Variants in ZNF148 observed in about 807,000 individuals in gnomAD.
The protein encoded by ZNF148 is zinc finger protein 148, also known as Beta-Enolase Repressor Factor-1.
A neutral mutation model predicts 67.7 loss-of-function variants in ZNF148; 7 were observed. The ratio of observed to expected loss-of-function variants is 0.10; its 90% CI spans 0.06 to 0.19. ZNF148 has a LOEUF of 0.19. ZNF148 is among the 10% of genes least tolerant of loss of function. The probability of loss-of-function intolerance (pLI) is 1.00; values close to 1 mark genes in which losing one functional copy is unlikely to be tolerated. For missense variants in ZNF148, 583 were observed against 947.1 expected (o/e 0.62, Z 5.05); for synonymous variants, 333 against 330.7 (o/e 1.01, Z -0.08).
rs1941285388 is a variant in ZNF148, at chr3:125,331,388, T to C, written c.-233-150A>G. ...ATACTGTTAGAGTAAATAAAATTAG[T>C]AACAACTAACACTTAGTCTGAGTGC... On this transcript the variant is annotated intron_variant, in intron 1 of 8. Transcript: ENST00000360647. 8 of 394,276 alleles carry C rather than the reference T, an allele frequency of 2.0e-5. No individual in the cohort carries two copies. The Admixed American group carries it at 3.5e-4, about 17-fold the overall frequency. The allele number at this position is 394,276 out of a possible 1,614,324, so 24.4% of individuals were successfully genotyped here.
At chr3:125,298,420 TGTCA>T (rs1240130160) in intron 4 of ZNF148, among the ~76,000 whole-genome samples, 1 of 148,830 alleles carries the variant, frequency 6.7e-6, no homozygotes, top group Non-Finnish European at 1.5e-5. Flanking sequence ...TAATAACAAA[TGTCA>T]ATCAACAGAG....
In ZNF148 at chr3:125,256,225, G is replaced by A. The variant is rs112167765; in HGVS notation, c.667+21501C>T. Among the ~76,000 whole-genome samples the A allele has an allele frequency of 6.1e-3, 919 of 151,806 alleles. 6 individuals are homozygous for A. Among genetic ancestry groups the A allele is most frequent in the Non-Finnish European group, 8.4e-3 (570 of 67,936 alleles). Reference sequence around the variant, plus strand: ...GAAAATACAGAAAAAAAAATTAGCCGGGCACGGTGGCAGGTGCCTGTAGTC... The same window carrying A: ...GAAAATACAGAAAAAAAAATTAGCCAGGCACGGTGGCAGGTGCCTGTAGTC... On this transcript the variant is annotated intron_variant, in intron 7 of 8. Transcript: ENST00000360647.
intron 7 of ZNF148, among the ~76,000 whole-genome samples, chr3:125,268,413 T>A (rs948835408): frequency 8.6e-5 from 13 of 152,002 alleles, no homozygotes; most frequent in African/African-American, 2.9e-4. Flanking sequence ...GCTGCACACC[T>A]ACAACCAATT....
At chr3:125,257,335 T>C (rs1163197585) in intron 7 of ZNF148, among the ~76,000 whole-genome samples, 2 of 152,056 alleles carry the variant, frequency 1.3e-5, no homozygotes, top group South Asian at 2.1e-4. Flanking sequence ...GCAGATCACC[T>C]GAGGTCAGGA....
intron 7 of ZNF148, among the ~76,000 whole-genome samples, chr3:125,275,219 A>G (rs1018086037): frequency 6.6e-6 from 1 of 152,152 alleles, no homozygotes; most frequent in African/African-American, 2.4e-5. Context: ...TCTTCAAAAG[A>G]ACTTTTCTTT....
intron 1 of ZNF148, among the ~76,000 whole-genome samples, chr3:125,354,341 A>G (rs897010793): frequency 3.3e-5 from 5 of 152,058 alleles, no homozygotes; most frequent in Admixed American, 6.6e-5. Context: ...TGTTTTTAGG[A>G]AAAAAAATTA....
intron 7 of ZNF148, among the ~76,000 whole-genome samples, chr3:125,257,278 A>C (rs1275079246): frequency 6.6e-6 from 1 of 152,084 alleles, no homozygotes; most frequent in East Asian, 1.9e-4. Context: ...TTGGCCGGGC[A>C]CGGTGGCTCA....
chr3:125,237,254 A>C (rs192611839), intron 7 of ZNF148, among the ~76,000 whole-genome samples: 1 of 152,304 alleles, frequency 6.6e-6, no homozygotes, highest in East Asian at 1.9e-4. Context: ...ATGTTGTTGG[A>C]CAGGGGAAGA....
Position 125,233,514 on chromosome 3 carries a change from T to G in ZNF148, c.1212A>C (p.Pro404=), listed in dbSNP as rs1194106669. ...KINSKRSLKQ[P]LEQNQTISPL... ...GTGAAATTGTTTGATTTTGCTCCAG[T>G]GGCTGTTTCAGACTTCTCTTACTAT... The change falls in exon 9 of 9, where the codon CCA becomes CCC. Residue 404 remains proline (P), a synonymous_variant. Transcript: ENST00000360647. The surrounding 1 kb of genome is among the most constrained non-coding windows in gnomAD (Gnocchi z 5.1). The G allele has an allele frequency of 6.2e-7, 1 of 1,613,802 alleles. No individual in the cohort carries two copies. Among genetic ancestry groups the G allele is most frequent in the African/African-American group, 1.3e-5 (1 of 74,916 alleles).
chr3:125,276,403 TAA>T (rs1214550880), intron 7 of ZNF148, among the ~76,000 whole-genome samples: 4 of 151,708 alleles, frequency 2.6e-5, no homozygotes, highest in Non-Finnish European at 5.9e-5. Flanking sequence ...GTTGCACAGT[TAA>T]AGTTTTATTT....
At chr3:125,239,717 T>C (rs988991763) in intron 7 of ZNF148, among the ~76,000 whole-genome samples, 47 of 152,190 alleles carry the variant, frequency 3.1e-4, no homozygotes, top group Admixed American at 1.6e-3. Context: ...CAAGTATTCA[T>C]AGCGGCATTA....
At chr3:125,328,362 G>A (rs1190443169) in intron 2 of ZNF148, among the ~76,000 whole-genome samples, 1 of 151,972 alleles carries the variant, frequency 6.6e-6, no homozygotes, top group African/African-American at 2.4e-5. Flanking sequence ...AAAATCAAAA[G>A]ATGAGCAAAA....
At chr3:125,280,635 C>CA (rs1325171330) in intron 5 of ZNF148, among the ~76,000 whole-genome samples, 1 of 148,524 alleles carries the variant, frequency 6.7e-6, no homozygotes, top group Non-Finnish European at 1.5e-5. Context: ...GAGCCATCAT[C>CA]ATGCCACTGC....
At chr3:125,355,930 C>T (rs1942326074) in intron 1 of ZNF148, among the ~76,000 whole-genome samples, 4 of 152,130 alleles carry the variant, frequency 2.6e-5, no homozygotes, top group Admixed American at 2.6e-4. Flanking sequence ...ACGTTTTCAA[C>T]AGAGATTAAT....
intron 5 of ZNF148, 21 bp from the exon 6 acceptor site, chr3:125,279,268 C>T (rs1178600278): frequency 4.5e-5 from 35 of 777,890 alleles, no homozygotes; most frequent in Non-Finnish European, 6.4e-5. Context: ...AAAAAAAAGG[C>T]AAAAACAAAA....
At chr3:125,298,231 T>A (rs1023253874) in intron 4 of ZNF148, among the ~76,000 whole-genome samples, 1 of 152,112 alleles carries the variant, frequency 6.6e-6, no homozygotes, top group African/African-American at 2.4e-5. Flanking sequence ...TTACACGAGA[T>A]GTTCACTTCA....
chr3:125,365,606 C>T (rs1312281616), intron 1 of ZNF148, among the ~76,000 whole-genome samples: 3 of 152,070 alleles, frequency 2.0e-5, no homozygotes, highest in African/African-American at 4.8e-5. Flanking sequence ...CACTGGAGCC[C>T]AAGAGTTTGA....
At chr3:125,331,852 C>T (rs1343444274) in intron 1 of ZNF148, among the ~76,000 whole-genome samples, 1 of 151,978 alleles carries the variant, frequency 6.6e-6, no homozygotes, top group African/African-American at 2.4e-5. Context: ...GCATTGATGC[C>T]GACCACAGAT....
chr3:125,370,733 T>C (rs1942852737), intron 1 of ZNF148, among the ~76,000 whole-genome samples: 1 of 152,182 alleles, frequency 6.6e-6, no homozygotes, highest in Non-Finnish European at 1.5e-5. Flanking sequence ...ATTTTATGAC[T>C]CTAACCTAAC....
Sources: gnomAD v4.1 joint callset for allele counts (sites outside exome capture counted in the v4.1 genomes callset) on GRCh38, gnomAD v4.1.1 for gene constraint, Gnocchi (gnomAD v3.1) non-coding constraint, MANE v1.5 for transcripts, NCBI Gene and HGNC (gene_info 2026-07-23, HGNC 2026-07-21) for gene names.